The following ELFN1 variants were observed in gnomAD, a reference collection of about 807,000 sequenced individuals.
ELFN1 encodes extracellular leucine rich repeat and fibronectin type III domain containing 1, also known as protein ELFN1.
In ELFN1, 6 loss-of-function variants were observed where a neutral mutation model predicts 7.6. The observed-to-expected ratio is 0.79, with a 90% CI of 0.43 to 1.56. The LOEUF (loss-of-function observed/expected upper bound fraction) is 1.56. Among genes scored for constraint, ELFN1 ranks in the 40% most tolerant of loss-of-function variants. ELFN1 has a pLI of 0.01. For missense variants in ELFN1, 1,169 were observed against 1,232.2 expected (o/e 0.95, Z 0.77); for synonymous variants, 657 against 588.1 (o/e 1.12, Z -1.70).
Position 1,677,478 on chromosome 7 carries a change from G to T in ELFN1, c.-549+7124G>T, listed in dbSNP as rs190411730. Among the ~76,000 whole-genome samples, 644 of 152,340 alleles carry T rather than the reference G, an allele frequency of 4.2e-3. 4 individuals are homozygous for T. The highest frequency in any genetic ancestry group is 0.015 in the African/African-American group (617 of 41,570). On this transcript the variant is annotated intron_variant, in intron 1 of 3. Coordinates refer to ENST00000424383, the MANE Select transcript of ELFN1 (RefSeq NM_001128636.4). ...GGCACGCATGTTCACGTGTGTGCGT[G>T]TAGATTACCACTTGTGTGAACAGAG... is the stretch of plus-strand genomic sequence containing the variant.
In ELFN1 at chr7:1,741,152, GA is replaced by G. The variant is rs1483339701; in HGVS notation, c.-293-3149del. 5.2e-3 allele frequency among the ~76,000 whole-genome samples: 711 copies of G among 137,656 alleles called. 2 individuals are homozygous for G. Among genetic ancestry groups the G allele is most frequent in the Non-Finnish European group, 8.2e-3 (509 of 62,376 alleles). The allele number at this position is 137,656 out of a possible 152,430, so 90.3% of individuals were successfully genotyped here. A position where few individuals can be genotyped will look rare whatever the true frequency, so the allele number is the denominator to read the frequency against. On this transcript the variant is annotated intron_variant, in intron 3 of 3. Coordinates refer to ENST00000424383, the MANE Select transcript of ELFN1 (RefSeq NM_001128636.4). ...CTCAAAAAAAAAAAAAAAAAAAGAAGAAAGAAAACTTTGGGGTCCCTCCAAA... is the reference window on the plus strand; with the variant it reads ...CTCAAAAAAAAAAAAAAAAAAAGAAGAAGAAAACTTTGGGGTCCCTCCAAA...
chr7:1,689,654 T>G (rs574614486), intron 2 of ELFN1, among the ~76,000 whole-genome samples: 1 of 152,282 alleles, frequency 6.6e-6, no homozygotes, highest in Admixed American at 6.5e-5. Flanking sequence ...ATGTTGAATC[T>G]CCTAACAACA....
chr7:1,711,623 AG>A (rs1779660389), intron 3 of ELFN1, among the ~76,000 whole-genome samples: 2 of 127,420 alleles, frequency 1.6e-5, no homozygotes, highest in African/African-American at 3.0e-5. Flanking sequence ...AGAGAGAGAG[AG>A]AGAATGAGAC....
At chr7:1,719,735 A>G (rs528023131) in intron 3 of ELFN1, among the ~76,000 whole-genome samples, 15 of 152,366 alleles carry the variant, frequency 9.8e-5, no homozygotes, top group South Asian at 6.2e-4. Flanking sequence ...GGTTCGAAGC[A>G]CTGGGATCAG....
In ELFN1 at chr7:1,747,024, G is replaced by A. The variant is rs1376242611; in HGVS notation, c.2428G>A (p.Glu810Lys). Reference sequence around the variant, plus strand: ...CAAGAAGGTTCAGTTCGCCAAAGACGAGGATCTGCACGACATCCTGGACTA... The same window carrying A: ...CAAGAAGGTTCAGTTCGCCAAAGACAAGGATCTGCACGACATCCTGGACTA... ...LRKKVQFAKD[E>K]DLHDILDYWK... Residue 810 changes from glutamate to lysine, a missense_variant, in exon 4 of 4, where the codon GAG becomes AAG. Coordinates refer to ENST00000424383, the MANE Select transcript of ELFN1 (RefSeq NM_001128636.4). The A allele has an allele frequency of 1.3e-6, 2 of 1,559,820 alleles. No individual in the cohort carries two copies. The highest frequency in any genetic ancestry group is 1.9e-5 in the Admixed American group (1 of 52,556).
Position 1,744,501 on chromosome 7 carries a change from C to T in ELFN1, c.-96C>T, listed in dbSNP as rs1031642852. ...CACCCCTGAGAGTGCAGGCACCTCC[C>T]CCTCCCGCCCCTCCATCCCTCTGGG... On this transcript the variant is annotated 5_prime_UTR_variant, in exon 4 of 4. Coordinates refer to ENST00000424383, the MANE Select transcript of ELFN1 (RefSeq NM_001128636.4). The T allele has an allele frequency of 4.8e-5, 64 of 1,344,974 alleles. No individual in the cohort carries two copies. Among genetic ancestry groups the T allele is most frequent in the Non-Finnish European group, 6.1e-5 (62 of 1,024,424 alleles). The allele number at this position is 1,344,974 out of a possible 1,614,324, so 83.3% of individuals were successfully genotyped here. A position where few individuals can be genotyped will look rare whatever the true frequency, so the allele number is the denominator to read the frequency against.
chr7:1,700,308 C>T (rs1157976337), intron 2 of ELFN1, among the ~76,000 whole-genome samples: 2 of 152,198 alleles, frequency 1.3e-5, no homozygotes, highest in East Asian at 1.9e-4. Context: ...AGGGTGAAGA[C>T]GTAGAATGCT....
intron 3 of ELFN1, among the ~76,000 whole-genome samples, chr7:1,729,344 G>A (rs1351656870): frequency 1.3e-5 from 2 of 152,224 alleles, no homozygotes; most frequent in South Asian, 2.1e-4. Flanking sequence ...TTTTGCTCAG[G>A]GTTCTTGGGT....
chr7:1,745,572 C>G lies in ELFN1; in HGVS notation c.976C>G (p.Gln326Glu), dbSNP rs369301745. The G allele has an allele frequency of 1.3e-6, 2 of 1,550,550 alleles. No homozygotes were observed. Among genetic ancestry groups the G allele is most frequent in the Non-Finnish European group, 1.7e-6 (2 of 1,146,952 alleles). The change falls in exon 4 of 4, where the codon CAG (glutamine) becomes GAG (glutamate). Residue 326 changes from glutamine (Q) to glutamate (E), a missense_variant. Transcript: ENST00000424383. ...CCTCATCAAGGTCAAGCAGCTCACT[C>G]AGAACTCGGCCACCATCACCGTCCA... is the stretch of plus-strand genomic sequence containing the variant. ...RPLIKVKQLT[Q>E]NSATITVQLP...
intron 3 of ELFN1, among the ~76,000 whole-genome samples, chr7:1,730,434 A>G (rs1163531540): frequency 6.6e-6 from 1 of 152,232 alleles, no homozygotes; most frequent in African/African-American, 2.4e-5. Context: ...AAAAGCCTCA[A>G]AGACACTCAA....
At chr7:1,687,508 T>A (rs1029242773) in intron 1 of ELFN1, among the ~76,000 whole-genome samples, 1 of 152,206 alleles carries the variant, frequency 6.6e-6, no homozygotes, top group Admixed American at 6.5e-5. Flanking sequence ...ACTACCCTTC[T>A]CTCCTCCAGG....
chr7:1,711,522 C>T (rs957818275), intron 3 of ELFN1, among the ~76,000 whole-genome samples: 7 of 141,180 alleles, frequency 5.0e-5, no homozygotes, highest in Non-Finnish European at 1.1e-4. Flanking sequence ...AGGAGACAGC[C>T]GGAGGCTCAG....
At chr7:1,677,020 G>A (rs1024187620) in intron 1 of ELFN1, among the ~76,000 whole-genome samples, 3 of 152,226 alleles carry the variant, frequency 2.0e-5, no homozygotes, top group Non-Finnish European at 2.9e-5. Context: ...AGCCCGTACT[G>A]GGTGCCGACG....
In ELFN1 at chr7:1,745,228, C is replaced by T. The variant is rs1454037624; in HGVS notation, c.632C>T (p.Ala211Val). Residue 211 changes from alanine (A) to valine (V), a missense_variant, in exon 4 of 4, where the codon GCC becomes GTC. Physicochemically the swap from Ala to Val is moderately conservative, Grantham distance 64 (BLOSUM62 0). Coordinates refer to ENST00000424383, the MANE Select transcript of ELFN1 (RefSeq NM_001128636.4). ...CGCTGGCTGGCCGCCTTCACCAACG[C>T]CACACAGACGTACGACCGCATGCAG... ...FLRWLAAFTN[A>V]TQTYDRMQCE... 1 of 1,541,860 alleles carries T rather than the reference C, an allele frequency of 6.5e-7. No homozygotes were observed. The highest frequency in any genetic ancestry group is 8.7e-7 in the Non-Finnish European group (1 of 1,146,910).
intron 3 of ELFN1, among the ~76,000 whole-genome samples, chr7:1,725,947 C>A (rs571396974): frequency 6.9e-6 from 1 of 143,990 alleles, no homozygotes; most frequent in African/African-American, 2.8e-5. Context: ...CAAATACACA[C>A]GCACAAAAGT....
At chr7:1,708,891 GGCTCTGTGTGTCAGCCT>G (rs1007428660) in intron 2 of ELFN1, among the ~76,000 whole-genome samples, 183 bp from the exon 3 acceptor site, 16 of 152,306 alleles carry the variant, frequency 1.1e-4, no homozygotes, top group Admixed American at 2.0e-4. Flanking sequence ...GCTGGCACAT[GGCTCTGTGTGTCAGCCT>G]GCTCTGTGTG....
At chr7:1,741,412 G>T (rs1450711485) in intron 3 of ELFN1, among the ~76,000 whole-genome samples, 1 of 152,236 alleles carries the variant, frequency 6.6e-6, no homozygotes, top group Non-Finnish European at 1.5e-5. Context: ...GAGCAGGAAG[G>T]TGAGGGCTGG....
At position 1,747,303 on chromosome 7, in the gene ELFN1, C is replaced by CACACAT; in HGVS notation, c.*225_*226insTACACA. The stretch of plus-strand genomic sequence containing the variant: ...CTTGTCGCCCCGGGTGGCACGTGTC[C>CACACAT]ACACACACACACACACACACACACA... On this transcript the variant is annotated 3_prime_UTR_variant, in exon 4 of 4. Transcript: ENST00000424383. The CACACAT allele has an allele frequency of 7.0e-6, 1 of 142,242 alleles. No homozygotes were observed. The highest frequency in any genetic ancestry group is 8.8e-5 in the East Asian group (1 of 11,390). The allele number at this position is 142,242 out of a possible 1,614,324, so 8.8% of individuals were successfully genotyped here. A position where few individuals can be genotyped will look rare whatever the true frequency, so the allele number is the denominator to read the frequency against.
chr7:1,669,056 G>C (rs1348043174), upstream of ELFN1, among the ~76,000 whole-genome samples: 6 of 152,228 alleles, frequency 3.9e-5, no homozygotes, highest in Non-Finnish European at 8.8e-5. Context: ...AGCCAAGGCA[G>C]CTCAGAGCCC....
Sources: gnomAD v4.1 joint callset for allele counts (sites outside exome capture counted in the v4.1 genomes callset) on GRCh38, gnomAD v4.1.1 for gene constraint, MANE v1.5 for transcripts, NCBI Gene and HGNC (gene_info 2026-07-23, HGNC 2026-07-21) for gene names.